The following SCN1A variants were observed in gnomAD, a reference collection of about 807,000 sequenced individuals.
SCN1A encodes sodium channel protein type 1 subunit alpha.
SCN1A carries 13 observed loss-of-function variants against 193.7 expected under a neutral mutation model. That is an observed-to-expected ratio of 0.07 (90% CI 0.04 to 0.11). The LOEUF is 0.11. Among genes scored for constraint, SCN1A ranks in the 10% least tolerant of loss-of-function variants. SCN1A has a pLI of 1.00. For synonymous variants in SCN1A, 781 were observed against 843.6 expected, an observed-to-expected ratio of 0.93 and a Z score of 1.29; for missense variants, 1,432 against 2,451.1, an observed-to-expected ratio of 0.58 and a Z score of 8.78.
chr2:165,996,224 T>C, intron 26 of SCN1A, 107 bp from the exon 27 acceptor site: 1 of 697,044 alleles, frequency 1.4e-6, no homozygotes, highest in Non-Finnish European at 2.5e-6. Context: ...AAAATTCAAC[T>C]GATTAGTATA....
chr2:166,013,337 T>G (rs1574058278), intron 21 of SCN1A, among the ~76,000 whole-genome samples: 1 of 151,592 alleles, frequency 6.6e-6, no homozygotes, highest in East Asian at 1.9e-4. Flanking sequence ...GACTTACTAC[T>G]GTCCATCAAG....
In SCN1A at chr2:166,046,907, G is replaced by C; in HGVS notation, c.1240C>G (p.Leu414Val). 6.2e-7 allele frequency: 1 copy of C among 1,613,906 alleles called. No homozygotes were observed. Among genetic ancestry groups the C allele is most frequent in the East Asian group, 2.2e-5 (1 of 44,868 alleles). ...ACCACAGCCAGGATCAAATTTATTA[G>C]GTAGAATGAGCCCAAGAAAATGACC... ...VLVIFLGSFY[L>V]INLILAVVAM... Residue 414 changes from leucine to valine, a missense_variant, in exon 12 of 29, where the codon CTA becomes GTA. Coordinates refer to ENST00000674923, the MANE Select transcript of SCN1A (RefSeq NM_001165963.4).
At chr2:166,128,757 A>G (rs548831625), upstream of SCN1A, among the ~76,000 whole-genome samples, 2 of 152,316 alleles carry the variant, frequency 1.3e-5, no homozygotes, top group East Asian at 3.9e-4. Flanking sequence ...ACACATTTTA[A>G]TAAGCAAATA....
chr2:166,139,698 AAG>A (rs1692004258), intron 1 of SCN1A, among the ~76,000 whole-genome samples: 1 of 152,198 alleles, frequency 6.6e-6, no homozygotes, highest in African/African-American at 2.4e-5. Context: ...GGCAGCAGGC[AAG>A]AGAGAATGAG....
At chr2:166,077,377 C>A (rs1264660226) in intron 3 of SCN1A, among the ~76,000 whole-genome samples, 1 of 151,716 alleles carries the variant, frequency 6.6e-6, no homozygotes, top group Non-Finnish European at 1.5e-5. Context: ...AGAAAATGAA[C>A]AATCTGAATA....
chr2:166,098,149 A>C (rs1342092832), intron 2 of SCN1A, among the ~76,000 whole-genome samples: 4 of 152,204 alleles, frequency 2.6e-5, no homozygotes, highest in African/African-American at 7.2e-5. Context: ...ACCCAGCAGC[A>C]CATCCAAAAA....
At chr2:166,039,305 T>G in intron 17 of SCN1A, 118 bp downstream of exon 17, 1 of 1,025,772 alleles carries the variant, frequency 9.7e-7, no homozygotes, top group Non-Finnish European at 1.4e-6. Flanking sequence ...AATGCAAATG[T>G]TACAGAAAAA....
chr2:166,049,209 T>C (rs1231891485), intron 9 of SCN1A, among the ~76,000 whole-genome samples: 1 of 151,610 alleles, frequency 6.6e-6, no homozygotes, highest in African/African-American at 2.4e-5. Flanking sequence ...CACTTTACAG[T>C]GCAAAGTATT....
chr2:166,030,860 A>G (rs1209064005), intron 19 of SCN1A, among the ~76,000 whole-genome samples: 1 of 152,056 alleles, frequency 6.6e-6, no homozygotes, highest in Non-Finnish European at 1.5e-5. Context: ...ACTATCCAAA[A>G]CCAAAATAAA....
chr2:166,130,126 T>A (rs1691599730), upstream of SCN1A, among the ~76,000 whole-genome samples: 1 of 152,136 alleles, frequency 6.6e-6, no homozygotes, highest in Non-Finnish European at 1.5e-5. Flanking sequence ...TGATGTTGAG[T>A]CCCATGATAA....
Position 166,044,025 on chromosome 2 carries a change from G to A in SCN1A, c.1687C>T (p.Leu563=). Residue 563 remains leucine (L), a synonymous_variant, in exon 14 of 29, where the codon CTA becomes TTA. Coordinates refer to ENST00000674923, the MANE Select transcript of SCN1A (RefSeq NM_001165963.4). ...CTGCTATTTCGCCTTGGTGAAAATA[G>A]GGAGCCACGGATGCTCAACAAAGAC... ...HQSLLSIRGS[L]FSPRRNSRTS... 6.2e-7 allele frequency: 1 copy of A among 1,614,112 alleles called. No individual in the cohort carries two copies. Among genetic ancestry groups the A allele is most frequent in the Non-Finnish European group, 8.5e-7 (1 of 1,180,020 alleles).
chr2:166,039,414 T>A lies in SCN1A; in HGVS notation c.2589+9A>T, dbSNP rs759559775. ...TTTTGAATTTGGTGCTTTTTTTTTTTTTTTTTACCAATCGAAATGAACGGA... is the reference window on the plus strand; with the variant it reads ...TTTTGAATTTGGTGCTTTTTTTTTTATTTTTTACCAATCGAAATGAACGGA... On this transcript the variant is annotated intron_variant, in intron 17 of 28. Coordinates refer to ENST00000674923, the MANE Select transcript of SCN1A (RefSeq NM_001165963.4). 1.2e-6 allele frequency: 2 copies of A among 1,610,228 alleles called. No homozygotes were observed. The highest frequency in any genetic ancestry group is 2.2e-5 in the East Asian group (1 of 44,822).
intron 2 of SCN1A, among the ~76,000 whole-genome samples, chr2:166,108,730 C>T (rs574050185): frequency 6.6e-6 from 1 of 152,192 alleles, no homozygotes; most frequent in African/African-American, 2.4e-5. Context: ...TTGCATGATT[C>T]TATTCATATA....
At chr2:166,099,133 T>C (rs1449951665) in intron 2 of SCN1A, among the ~76,000 whole-genome samples, 10 of 152,090 alleles carry the variant, frequency 6.6e-5, no homozygotes, top group Admixed American at 4.6e-4. Flanking sequence ...CAAAACAGCA[T>C]AGTACTGGCA....
chr2:165,997,998 T>C (rs1232712022), intron 26 of SCN1A, 40 bp downstream of exon 26: 7 of 1,528,414 alleles, frequency 4.6e-6, no homozygotes, highest in Non-Finnish European at 6.3e-6. Context: ...AAGGAATAAT[T>C]TTCTATCTCA....
chr2:166,049,107 C>G (rs1357701039), intron 9 of SCN1A, among the ~76,000 whole-genome samples, 158 bp from the exon 10 acceptor site: 1 of 151,780 alleles, frequency 6.6e-6, no homozygotes, highest in South Asian at 2.1e-4. Context: ...CCTCTAAATT[C>G]TAGATATTCT....
chr2:166,041,046 G>A (rs1301888225), intron 16 of SCN1A, among the ~76,000 whole-genome samples, 185 bp downstream of exon 16: 1 of 152,108 alleles, frequency 6.6e-6, no homozygotes, highest in African/African-American at 2.4e-5. Flanking sequence ...CAGTTTTTGT[G>A]AGCACATTAA....
At chr2:166,056,616 T>C in intron 5 of SCN1A, 116 bp from the exon 6 acceptor site, 1 of 741,360 alleles carries the variant, frequency 1.3e-6, no homozygotes, top group South Asian at 1.5e-5. Context: ...GATAAATGCA[T>C]TGTGGGCAAG....
chr2:166,054,664 C>A lies in SCN1A; in HGVS notation c.576G>T (p.Trp192Cys). ...DFTFLRDPWN[W>C]LDFTVITFAY... ...CAAATGTAATGACAGTGAAATCGAG[C>A]CAGTTCCATGGATCCCGAAGGAAAG... Residue 192 changes from tryptophan (W) to cysteine (C), a missense_variant, in exon 7 of 29, where the codon TGG becomes TGT. Physicochemically the swap from Trp to Cys is radical, Grantham distance 215. This residue lies in a region of SCN1A where 123 missense variants were observed against 282.8 expected (regional missense o/e 0.43). Coordinates refer to ENST00000674923, the MANE Select transcript of SCN1A (RefSeq NM_001165963.4). The A allele has an allele frequency of 6.2e-7, 1 of 1,612,302 alleles. No individual in the cohort carries two copies. Among genetic ancestry groups the A allele is most frequent in the Non-Finnish European group, 8.5e-7 (1 of 1,178,828 alleles).
Sources: gnomAD v4.1 joint callset for allele counts (sites outside exome capture counted in the v4.1 genomes callset) on GRCh38, gnomAD v4.1.1 for gene constraint, gnomAD v4.1.1 regional missense constraint, MANE v1.5 for transcripts, NCBI Gene and HGNC (gene_info 2026-07-23, HGNC 2026-07-21) for gene names.